The following CPEB4 variants were observed in gnomAD, a reference collection of about 807,000 sequenced individuals.
CPEB4 encodes the protein cytoplasmic polyadenylation element binding protein 4, also known as cytoplasmic polyadenylation element-binding protein 4.
CPEB4 carries 12 observed loss-of-function variants against 72.5 expected under a neutral mutation model. The ratio of observed to expected loss-of-function variants is 0.17; its 90% CI spans 0.11 to 0.27. The LOEUF is 0.27. CPEB4 is among the 10% of genes least tolerant of loss of function. The probability of loss-of-function intolerance (pLI) is 1.00; values close to 1 mark genes in which losing one functional copy is unlikely to be tolerated. For missense variants in CPEB4, 614 were observed against 908.5 expected (o/e 0.68, Z 4.17); for synonymous variants, 302 against 326.3 (o/e 0.93, Z 0.80).
Position 173,938,432 on chromosome 5 carries a change from G to A in CPEB4, c.1259-4594G>A, listed in dbSNP as rs1244193995. 2.6e-5 allele frequency among the ~76,000 whole-genome samples: 4 copies of A among 152,094 alleles called. No individual in the cohort carries two copies. The East Asian group carries it at 5.8e-4, about 22-fold the overall frequency. ...GTATAGACAGGGTTTTACCATATTG[G>A]CCAGGCTGGTCTCGAACTCCTGACC... On this transcript the variant is annotated intron_variant, in intron 3 of 9. Coordinates refer to ENST00000265085, the MANE Select transcript of CPEB4 (RefSeq NM_030627.4).
rs1264759091 is a variant in CPEB4, at chr5:173,953,127, G to A, written c.1817G>A (p.Gly606Asp). ...ATGATAATGGATCGGCTATATGGAG[G>A]TGTGTGCTACGCTGGGATTGATACC... ...LAMIMDRLYG[G>D]VCYAGIDTDP... The change falls in exon 9 of 10, where the codon GGT (glycine) becomes GAT (aspartate). Residue 606 changes from glycine (G) to aspartate (D), a missense_variant. Around this residue, in one of 5 missense-constraint regions of CPEB4, gnomAD observed 101 missense variants for 243.1 expected, o/e 0.42. Coordinates refer to ENST00000265085, the MANE Select transcript of CPEB4 (RefSeq NM_030627.4). 1.2e-6 allele frequency: 2 copies of A among 1,613,370 alleles called. No individual in the cohort carries two copies. The highest frequency in any genetic ancestry group is 1.7e-6 in the Non-Finnish European group (2 of 1,179,526).
In CPEB4 at chr5:173,943,039, G is replaced by A; in HGVS notation, c.1272G>A (p.Gly424=). The A allele has an allele frequency of 2.5e-6, 4 of 1,611,516 alleles. No homozygotes were observed. The highest frequency in any genetic ancestry group is 3.4e-6 in the Non-Finnish European group (4 of 1,178,900). The change falls in exon 4 of 10, where the codon GGG becomes GGA. Residue 424 remains glycine (G), a synonymous_variant. Transcript: ENST00000265085. ...TTTGACATGCAGCAAGGACATATGG[G>A]CGAAGGAGAGGTAACATTGTTTTTA... ...SSLLINARTY[G]RRRGQSSLFP...
At chr5:173,924,750 A>G (rs1291544008) in intron 2 of CPEB4, among the ~76,000 whole-genome samples, 1 of 152,148 alleles carries the variant, frequency 6.6e-6, no homozygotes, top group Non-Finnish European at 1.5e-5. Context: ...GACTCTACCC[A>G]TTACACTGCA....
chr5:173,949,711 T>A (rs901360328), intron 6 of CPEB4, 114 bp downstream of exon 6: 17 of 753,684 alleles, frequency 2.3e-5, no homozygotes, highest in Admixed American at 1.8e-4. Context: ...AACTTGCATT[T>A]TCCCAAATGC....
chr5:173,940,424 G>A (rs937445713), intron 3 of CPEB4, among the ~76,000 whole-genome samples: 1 of 152,196 alleles, frequency 6.6e-6, no homozygotes, highest in Non-Finnish European at 1.5e-5. Context: ...AAATCTGTCT[G>A]ACATTTTCCT....
rs1758520887 is a variant in CPEB4, at chr5:173,960,665, G to A, written c.*4528G>A. On this transcript the variant is annotated 3_prime_UTR_variant, in exon 10 of 10. Coordinates refer to ENST00000265085, the MANE Select transcript of CPEB4 (RefSeq NM_030627.4). ...ACAAAAGTGAAAAACCCAATGTTTA[G>A]TTAATAATGAAAGTCCGTATCTGGG... is the stretch of plus-strand genomic sequence containing the variant. 6.6e-6 allele frequency: 1 copy of A among 152,288 alleles called. No individual in the cohort carries two copies. Among genetic ancestry groups the A allele is most frequent in the East Asian group, 1.9e-4 (1 of 5,190 alleles). 9.4% of individuals were successfully genotyped at this position (152,288 alleles called of 1,614,324 possible). A position where few individuals can be genotyped will look rare whatever the true frequency, so the allele number is the denominator to read the frequency against.
rs115509196 is a variant in CPEB4, at chr5:173,922,788, G to A, written c.1208-9662G>A. ...GCTTCCCACCCCCAACTTTTGCGCT[G>A]CTTTGGATGTATATGTAAAGTCCAG... On this transcript the variant is annotated intron_variant, in intron 2 of 9. Coordinates refer to ENST00000265085, the MANE Select transcript of CPEB4 (RefSeq NM_030627.4). Among the ~76,000 whole-genome samples the A allele has an allele frequency of 3.3e-3, 504 of 152,300 alleles. 1 individual carries two copies. The highest frequency in any genetic ancestry group is 0.012 in the African/African-American group (482 of 41,566).
At position 173,955,885 on chromosome 5, in the gene CPEB4, T is replaced by G. The variant is rs933167436; in HGVS notation, c.1963-25T>G. The G allele has an allele frequency of 6.3e-7, 1 of 1,587,832 alleles. No individual in the cohort carries two copies. Among genetic ancestry groups the G allele is most frequent in the African/African-American group, 1.3e-5 (1 of 74,382 alleles). ...CATTGCTGGCCTAGTCACTGAAAAA[T>G]GTAAACTCTTATTTTTGATTGCAGG... On this transcript the variant is annotated intron_variant, in intron 9 of 9. Coordinates refer to ENST00000265085, the MANE Select transcript of CPEB4 (RefSeq NM_030627.4). The surrounding 1 kb of genome is among the most constrained non-coding windows in gnomAD (Gnocchi z 4.7).
intron 5 of CPEB4, among the ~76,000 whole-genome samples, chr5:173,947,517 A>C (rs1758067129): frequency 6.6e-6 from 1 of 152,174 alleles, no homozygotes; most frequent in South Asian, 2.1e-4. Flanking sequence ...AAGATTGGTT[A>C]CATTGAGCAA....
At chr5:173,928,220 A>C (rs183335712) in intron 2 of CPEB4, among the ~76,000 whole-genome samples, 3 of 152,244 alleles carry the variant, frequency 2.0e-5, no homozygotes, top group Admixed American at 2.0e-4. Context: ...GGGTGGATAC[A>C]TGTCATTATA....
At chr5:173,922,824 G>A (rs1757119642) in intron 2 of CPEB4, among the ~76,000 whole-genome samples, 1 of 152,162 alleles carries the variant, frequency 6.6e-6, no homozygotes, top group African/African-American at 2.4e-5. Flanking sequence ...AGCTGTCTGA[G>A]GCCATTCATA....
intron 3 of CPEB4, among the ~76,000 whole-genome samples, chr5:173,936,666 T>C (rs1171390939): frequency 4.6e-5 from 7 of 152,224 alleles, no homozygotes; most frequent in African/African-American, 1.4e-4. Context: ...AAACATAGGC[T>C]AGTTACCTCA....
intron 2 of CPEB4, among the ~76,000 whole-genome samples, chr5:173,923,595 T>A (rs1297591691): frequency 6.6e-6 from 1 of 152,210 alleles, no homozygotes; most frequent in East Asian, 1.9e-4. Flanking sequence ...TTTTGCAAGG[T>A]AGGAGAATTT....
chr5:173,935,639 C>T (rs1757593715), intron 3 of CPEB4, among the ~76,000 whole-genome samples: 1 of 152,140 alleles, frequency 6.6e-6, no homozygotes, highest in Admixed American at 6.5e-5. Context: ...TGAATTTTGA[C>T]TCTCTGATTT....
In CPEB4 at chr5:173,890,055, C is replaced by T. The variant is rs1755748964; in HGVS notation, c.322C>T (p.Pro108Ser). The T allele has an allele frequency of 6.2e-7, 1 of 1,614,028 alleles. No homozygotes were observed. The highest frequency in any genetic ancestry group is 8.5e-7 in the Non-Finnish European group (1 of 1,179,960). ...TCCAGGTCAGGAAGCTGGAATACTGCCTGAAACAGAGAAGGCAAAATCAGA... is the reference window on the plus strand; with the variant it reads ...TCCAGGTCAGGAAGCTGGAATACTGTCTGAAACAGAGAAGGCAAAATCAGA... ...PSPGQEAGIL[P>S]ETEKAKSEEN... is the part of the protein sequence containing the mutation. Residue 108 changes from proline (P) to serine (S), a missense_variant, in exon 1 of 10, where the codon CCT becomes TCT. Pro to Ser is a moderately conservative substitution (Grantham distance 74). Around this residue, in one of 5 missense-constraint regions of CPEB4, gnomAD observed 458 missense variants for 548.6 expected, o/e 0.83. Transcript: ENST00000265085.
Position 173,889,710 on chromosome 5 carries a change from A to C in CPEB4, c.-24A>C, listed in dbSNP as rs1372230249. 6.5e-7 allele frequency: 1 copy of C among 1,529,990 alleles called. No homozygotes were observed. The highest frequency in any genetic ancestry group is 1.3e-5 in the South Asian group (1 of 78,632). The allele number at this position is 1,529,990 out of a possible 1,614,324, so 94.8% of individuals were successfully genotyped here. A position where few individuals can be genotyped will look rare whatever the true frequency, so the allele number is the denominator to read the frequency against. On this transcript the variant is annotated 5_prime_UTR_variant, in exon 1 of 10. Coordinates refer to ENST00000265085, the MANE Select transcript of CPEB4 (RefSeq NM_030627.4). ...CATCAGGTTGTCATTTTTTATTGTG[A>C]GATTCTGCTCCTAAAGATAATAAAT...
At chr5:173,907,261 G>T (rs561973716) in intron 1 of CPEB4, among the ~76,000 whole-genome samples, 1 of 152,034 alleles carries the variant, frequency 6.6e-6, no homozygotes, top group Non-Finnish European at 1.5e-5. Context: ...GCGAGACTCC[G>T]TCTCAAAACA....
intron 5 of CPEB4, among the ~76,000 whole-genome samples, chr5:173,946,183 A>C (rs755395453): frequency 6.6e-6 from 1 of 152,170 alleles, no homozygotes; most frequent in East Asian, 1.9e-4. Context: ...TGAAATAAAC[A>C]TAGAGGTTTT....
At chr5:173,937,646 A>T (rs1261094427) in intron 3 of CPEB4, among the ~76,000 whole-genome samples, 3 of 152,232 alleles carry the variant, frequency 2.0e-5, no homozygotes, top group Non-Finnish European at 2.9e-5. Context: ...GAATATATGC[A>T]TATGAATTTA....
Sources: allele counts gnomAD v4.1 joint callset (sites outside exome capture counted in the v4.1 genomes callset), GRCh38; gene constraint gnomAD v4.1.1; regional missense constraint gnomAD v4.1.1; non-coding constraint Gnocchi (gnomAD v3.1); transcripts MANE v1.5; gene names NCBI Gene and HGNC (gene_info 2026-07-23, HGNC 2026-07-21).